Variants in SBF1 observed in about 807,000 individuals in gnomAD.
The protein encoded by SBF1 is myotubularin-related protein 5.
A neutral mutation model predicts 215.8 loss-of-function variants in SBF1; 65 were observed. The ratio of observed to expected loss-of-function variants is 0.30; its 90% CI spans 0.25 to 0.37. The LOEUF (loss-of-function observed/expected upper bound fraction) is 0.37. SBF1 is among the 10% of genes least tolerant of loss of function. SBF1 has a pLI of 1.00. For missense variants in SBF1, 2,634 were observed against 2,667.8 expected, an observed-to-expected ratio of 0.99 and a Z score of 0.28; for synonymous variants, 1,410 against 1,122.8, an observed-to-expected ratio of 1.26 and a Z score of -5.11.
In SBF1 at chr22:50,464,595, C is replaced by G. The variant is rs1207918430; in HGVS notation, c.1575G>C (p.Gln525His). The change falls in exon 14 of 41, where the codon CAG (glutamine) becomes CAC (histidine). Residue 525 changes from glutamine to histidine, a missense_variant. Physicochemically the swap from Gln to His is conservative, Grantham distance 24. Transcript: ENST00000380817. ...CGGCCTTCACAGCTGGGGGTGCACC[C>G]TGCATCTTGGCTGCAGCCTGGTCCA... is the stretch of plus-strand genomic sequence containing the variant. ...WIVDQAAAKM[Q>H]GAPPAVKAER... is the part of the protein sequence containing the mutation. The G allele has an allele frequency of 6.2e-7, 1 of 1,612,028 alleles. No homozygotes were observed. Among genetic ancestry groups the G allele is most frequent in the Admixed American group, 1.7e-5 (1 of 59,968 alleles).
At chr22:50,464,002 A>G (rs976838552) in intron 15 of SBF1, among the ~76,000 whole-genome samples, 2 of 152,262 alleles carry the variant, frequency 1.3e-5, no homozygotes, top group African/African-American at 2.4e-5. Context: ...TCTGTTTTCC[A>G]TCAAGTACAA....
At chr22:50,447,827 G>C (rs2066894292) in intron 38 of SBF1, among the ~76,000 whole-genome samples, 1 of 152,248 alleles carries the variant, frequency 6.6e-6, no homozygotes, top group Non-Finnish European at 1.5e-5. Context: ...AAAGGAGACA[G>C]TGAAGGGCGC....
chr22:50,462,095 G>A lies in SBF1; in HGVS notation c.2421C>T (p.Ser807=), dbSNP rs772966203. Residue 807 remains serine (S), a synonymous_variant, in exon 20 of 41, where the codon AGC becomes AGT. Transcript: ENST00000380817. ...TNSMAGSVAE[S]YDTESGFEDA... ...CCTCGAAGCCGCTCTCCGTGTCATA[G>A]CTCTCGGCCACACTGCCAGCCATGC... 2.5e-6 allele frequency: 4 copies of A among 1,613,812 alleles called. No homozygotes were observed. The highest frequency in any genetic ancestry group is 2.5e-6 in the Non-Finnish European group (3 of 1,180,046).
In SBF1 at chr22:50,461,530, G is replaced by T; in HGVS notation, c.2832C>A (p.Asp944Glu). ...YRVIFTGMPT[D>E]PLVGEQVVVR... ...GAGAGTCTGCAGGCTCACCCAGGGG[G>T]TCCGTGGGCATCCCCGTGAAGATGA... Residue 944 changes from aspartate to glutamate, a missense_variant, in exon 22 of 41, where the codon GAC (aspartate) becomes GAA (glutamate). Coordinates refer to ENST00000380817, the MANE Select transcript of SBF1 (RefSeq NM_002972.4). 6.3e-7 allele frequency: 1 copy of T among 1,599,202 alleles called. No homozygotes were observed. The highest frequency in any genetic ancestry group is 1.1e-5 in the South Asian group (1 of 90,664).
At chr22:50,459,898 G>C (rs2067428529) in intron 26 of SBF1, 54 bp downstream of exon 26, 1 of 1,587,312 alleles carries the variant, frequency 6.3e-7, no homozygotes, top group African/African-American at 1.3e-5. Context: ...CAGCGGGCAG[G>C]GAAGACACCC....
chr22:50,465,617 C>A (rs1389195201), intron 10 of SBF1, 146 bp downstream of exon 10: 2 of 777,056 alleles, frequency 2.6e-6, no homozygotes, highest in East Asian at 5.4e-5. Flanking sequence ...TAACTGCTGG[C>A]AGCTGCTTTG....
intron 21 of SBF1, 23 bp downstream of exon 21, chr22:50,461,773 C>T (rs775824943): frequency 9.7e-5 from 156 of 1,611,896 alleles, no homozygotes; most frequent in Non-Finnish European, 1.3e-4. Context: ...TGGGCCCCCG[C>T]AGCCCCAACG....
rs368378818 is a variant in SBF1, at chr22:50,460,939, C to T, written c.2967+220G>A. Among the ~76,000 whole-genome samples the T allele has an allele frequency of 8.5e-5, 13 of 152,344 alleles. No individual in the cohort carries two copies. In the East Asian group the frequency reaches 2.3e-3, roughly 27 times the overall value. Reference sequence around the variant, plus strand: ...TTGCAAGGCACACCCAAGACACGGACTTGAGGGCCGGCGCCCCAAGGAAAG... The same window carrying T: ...TTGCAAGGCACACCCAAGACACGGATTTGAGGGCCGGCGCCCCAAGGAAAG... On this transcript the variant is annotated intron_variant, in intron 23 of 40. Transcript: ENST00000380817.
chr22:50,447,321 C>T lies in SBF1; in HGVS notation c.5583+1G>A. ...TCTCCCAAGCCCCGGCCAAGGCTCA[C>T]GTCAAAGAAGGCCTTCTCGTCCACA... On this transcript the variant is annotated splice_donor_variant, in intron 40 of 40. Coordinates refer to ENST00000380817, the MANE Select transcript of SBF1 (RefSeq NM_002972.4). LOFTEE classifies it high-confidence loss of function. The T allele has an allele frequency of 1.9e-6, 3 of 1,614,038 alleles. No homozygotes were observed. Among genetic ancestry groups the T allele is most frequent in the East Asian group, 2.2e-5 (1 of 44,882 alleles).
In SBF1 at chr22:50,463,443, G is replaced by A; in HGVS notation, c.1750-11C>T. Reference sequence around the variant, plus strand: ...CACGGCTGGGAGCAGCTGGGGGTGGGGAAAGGAGACACGGGCTGAGGGCAC... The same window carrying A: ...CACGGCTGGGAGCAGCTGGGGGTGGAGAAAGGAGACACGGGCTGAGGGCAC... On this transcript the variant is annotated splice_polypyrimidine_tract_variant and intron_variant, in intron 15 of 40. Transcript: ENST00000380817. The A allele has an allele frequency of 6.4e-7, 1 of 1,558,602 alleles. No homozygotes were observed. The highest frequency in any genetic ancestry group is 1.7e-4 in the Middle Eastern group (1 of 5,832).
rs777197676 is a variant in SBF1 at position 50,461,207 on chromosome 22, C to A, written c.2919G>T (p.Val973=). The A allele has an allele frequency of 3.1e-6, 5 of 1,612,174 alleles. No individual in the cohort carries two copies. Among genetic ancestry groups the A allele is most frequent in the Non-Finnish European group, 4.2e-6 (5 of 1,179,306 alleles). ...KEKRISVQTP[V]DQLLQDGLQL... ...GGAGCCCGTCCTGCAGGAGCTGGTC[C>A]ACAGGGGTCTGGACGCTGATGCGCT... The change falls in exon 23 of 41, where the codon GTG becomes GTT. Residue 973 remains valine (V), a synonymous_variant. Coordinates refer to ENST00000380817, the MANE Select transcript of SBF1 (RefSeq NM_002972.4).
chr22:50,461,701 C>G lies in SBF1; in HGVS notation c.2661G>C (p.Pro887=), dbSNP rs773683768. Reference sequence around the variant, plus strand: ...CACACTCCTCACCCGGCAGCAGGCGCGGCCGCAGCAGCTTGGGCTGCTCGA... The same window carrying G: ...CACACTCCTCACCCGGCAGCAGGCGGGGCCGCAGCAGCTTGGGCTGCTCGA... The part of the protein sequence containing the change: ...PPIQKPKLLR[P]RLLPGEECVL... The change falls in exon 22 of 41, where the codon CCG becomes CCC. Residue 887 remains proline, a synonymous_variant. Coordinates refer to ENST00000380817, the MANE Select transcript of SBF1 (RefSeq NM_002972.4). 2 of 1,609,622 alleles carry G rather than the reference C, an allele frequency of 1.2e-6. No homozygotes were observed. Among genetic ancestry groups the G allele is most frequent in the South Asian group, 2.2e-5 (2 of 90,984 alleles).
At chr22:50,461,459 A>G in intron 22 of SBF1, 64 bp downstream of exon 22, 1 of 1,517,804 alleles carries the variant, frequency 6.6e-7, no homozygotes, top group Non-Finnish European at 8.8e-7. Flanking sequence ...AGGCAGGGAA[A>G]GCCCATCCAT....
chr22:50,462,406 C>T lies in SBF1; in HGVS notation c.2195G>A (p.Arg732His), dbSNP rs374201600. 244 of 1,614,060 alleles carry T rather than the reference C, an allele frequency of 1.5e-4. No individual in the cohort carries two copies. Among genetic ancestry groups the T allele is most frequent in the East Asian group, 4.9e-4 (22 of 44,888 alleles). Residue 732 changes from arginine to histidine, a missense_variant, in exon 19 of 41, where the codon CGC (arginine) becomes CAC (histidine). By Grantham distance (29) the Arg-to-His change is conservative. Coordinates refer to ENST00000380817, the MANE Select transcript of SBF1 (RefSeq NM_002972.4). ...SALDVASEQRRLWPTLSREKQ... is the reference protein window; with the variant it reads ...SALDVASEQRHLWPTLSREKQ... Reference sequence around the variant, plus strand: ...CTCACGACTCAGAGTTGGCCACAAGCGCCGCTGCTCAGAAGCCACGTCTAG... The same window carrying T: ...CTCACGACTCAGAGTTGGCCACAAGTGCCGCTGCTCAGAAGCCACGTCTAG...
In SBF1 at chr22:50,454,852, C is replaced by G. The variant is rs1020594214; in HGVS notation, c.4774G>C (p.Val1592Leu). The G allele has an allele frequency of 6.2e-7, 1 of 1,614,070 alleles. No homozygotes were observed. Among genetic ancestry groups the G allele is most frequent in the Non-Finnish European group, 8.5e-7 (1 of 1,179,998 alleles). The part of the protein sequence containing the change: ...YVDRLSKRTP[V>L]FHNYMYAPED... ...GGCGCATACATGTAATTGTGGAACACAGGCGTCCTCTTGCTCAGCCGGTCC... is the reference window on the plus strand; with the variant it reads ...GGCGCATACATGTAATTGTGGAACAGAGGCGTCCTCTTGCTCAGCCGGTCC... Residue 1592 changes from valine to leucine, a missense_variant, in exon 35 of 41, where the codon GTG becomes CTG. Coordinates refer to ENST00000380817, the MANE Select transcript of SBF1 (RefSeq NM_002972.4).
rs779453976 is a variant in SBF1 at position 50,448,543 on chromosome 22, A to G, written c.5151T>C (p.Arg1717=). The change falls in exon 37 of 41, where the codon CGT becomes CGC. Residue 1717 remains arginine (R), a splice_region_variant and synonymous_variant. Transcript: ENST00000380817. ...GACGCTCACACTGGCCCTCACTCAC[A>G]CGGCCGTCTGGCCGGCCCTCGAGGC... is the stretch of plus-strand genomic sequence containing the variant. ...AQRLEGRPDG[R]GTPSSLLVST... The G allele has an allele frequency of 5.6e-6, 9 of 1,612,110 alleles. No homozygotes were observed. The South Asian group carries it at 8.8e-5, about 16-fold the overall frequency.
intron 1 of SBF1, among the ~76,000 whole-genome samples, chr22:50,468,780 G>A (rs1603434703): frequency 6.6e-6 from 1 of 152,176 alleles, no homozygotes; most frequent in Non-Finnish European, 1.5e-5. Flanking sequence ...CTGTTCCACA[G>A]GCCCCCACAG....
chr22:50,461,387 G>C, intron 22 of SBF1, 101 bp from the exon 23 acceptor site: 2 of 1,510,346 alleles, frequency 1.3e-6, no homozygotes, highest in Non-Finnish European at 1.8e-6. Flanking sequence ...AGTGGGTGGG[G>C]AAGGAGCAGA....
In SBF1 at chr22:50,454,896, C is replaced by T. The variant is rs1300784737; in HGVS notation, c.4730G>A (p.Arg1577Lys). ...CCGGTCCACATACTCCCACACAGAC[C>T]TGCACGGCACCTGGCCCCTGCGTTC... The part of the protein sequence containing the change: ...KGERRGQVPC[R>K]SVWEYVDRLS... Residue 1577 changes from arginine (R) to lysine (K), a missense_variant, in exon 35 of 41, where the codon AGG becomes AAG. Coordinates refer to ENST00000380817, the MANE Select transcript of SBF1 (RefSeq NM_002972.4). 1 of 1,614,108 alleles carries T rather than the reference C, an allele frequency of 6.2e-7. No individual in the cohort carries two copies. The highest frequency in any genetic ancestry group is 1.1e-5 in the South Asian group (1 of 91,090).
Sources: allele counts gnomAD v4.1 joint callset (sites outside exome capture counted in the v4.1 genomes callset), GRCh38; gene constraint gnomAD v4.1.1; transcripts MANE v1.5; gene names NCBI Gene and HGNC (gene_info 2026-07-23, HGNC 2026-07-21).